The following EYS variants were observed in gnomAD, a reference collection of about 807,000 sequenced individuals.
EYS encodes protein eyes shut homolog.
EYS carries 250 observed loss-of-function variants against 282.1 expected under a neutral mutation model. The observed-to-expected ratio is 0.89, with a 90% CI of 0.80 to 0.98. The LOEUF is 0.98. Ranked by LOEUF, EYS falls within the 50% of genes least tolerant of loss-of-function variation. EYS has a pLI of 0.00. For synonymous variants in EYS, 1,355 were observed against 1,282.9 expected, an observed-to-expected ratio of 1.06 and a Z score of -1.20; for missense variants, 4,016 against 3,709.0, an observed-to-expected ratio of 1.08 and a Z score of -2.15.
intron 12 of EYS, among the ~76,000 whole-genome samples, chr6:65,081,269 G>C (rs1184470100): frequency 1.3e-5 from 2 of 151,888 alleles, no homozygotes; most frequent in African/African-American, 2.4e-5. Context: ...AAATCACTAT[G>C]ATTTCTACTT....
chr6:64,671,006 C>T (rs1024243202), intron 22 of EYS, among the ~76,000 whole-genome samples: 7 of 151,872 alleles, frequency 4.6e-5, no homozygotes, highest in African/African-American at 1.5e-4. Context: ...CATTCCCAGA[C>T]CTACTATTTC....
chr6:64,154,660 G>T (rs1027887902), intron 31 of EYS, among the ~76,000 whole-genome samples: 9 of 151,544 alleles, frequency 5.9e-5, no homozygotes, highest in African/African-American at 2.2e-4. Flanking sequence ...AATAGAAAAT[G>T]CAAAAAAGAA....
At chr6:63,914,726 A>G (rs1254677069) in intron 35 of EYS, among the ~76,000 whole-genome samples, 3 of 152,096 alleles carry the variant, frequency 2.0e-5, no homozygotes, top group African/African-American at 4.8e-5. Context: ...CAAAAAAAAA[A>G]AAAAAAAGCA....
At chr6:65,579,394 A>G (rs762372622) in intron 2 of EYS, among the ~76,000 whole-genome samples, 1 of 152,186 alleles carries the variant, frequency 6.6e-6, no homozygotes, top group South Asian at 2.1e-4. Flanking sequence ...TATTTACAAT[A>G]TATTTCTGGA....
Position 63,984,566 on chromosome 6 carries a change from G to A in EYS, c.6872C>T (p.Ala2291Val). Residue 2291 changes from alanine (A) to valine (V), a missense_variant, in exon 35 of 43, where the codon GCA becomes GTA. Transcript: ENST00000503581. ...FESMFLGHIP[A>V]NVQIHKKAGP... ...TGCTTTCTTATGAATTTGAACATTT[G>A]CAGGAATATGGCCAAGGAACATTGA... is the stretch of plus-strand genomic sequence containing the variant. 6.5e-7 allele frequency: 1 copy of A among 1,549,426 alleles called. No individual in the cohort carries two copies. The highest frequency in any genetic ancestry group is 8.7e-7 in the Non-Finnish European group (1 of 1,145,458).
intron 12 of EYS, among the ~76,000 whole-genome samples, chr6:65,237,831 A>G (rs1040495418): frequency 6.6e-6 from 1 of 152,174 alleles, no homozygotes; most frequent in African/African-American, 2.4e-5. Context: ...ATGTATGGGT[A>G]TGCAAGAAAT....
chr6:64,741,268 G>A (rs1488307943), intron 22 of EYS, among the ~76,000 whole-genome samples: 5 of 151,976 alleles, frequency 3.3e-5, no homozygotes, highest in Admixed American at 1.3e-4. Context: ...CAGGCCCCTC[G>A]TCAATAATAT....
chr6:65,332,432 G>T, intron 11 of EYS: 2 of 1,380,804 alleles, frequency 1.4e-6, no homozygotes, highest in Non-Finnish European at 2.0e-6. Context: ...GAATTAATTT[G>T]GGAAGAATTA....
intron 35 of EYS, among the ~76,000 whole-genome samples, chr6:63,966,164 C>T (rs898554960): frequency 3.3e-5 from 5 of 152,124 alleles, no homozygotes; most frequent in African/African-American, 1.2e-4. Context: ...TGTATGTACA[C>T]AATGGAATAC....
chr6:63,835,600 G>A (rs12111572), intron 36 of EYS, among the ~76,000 whole-genome samples: 5,859 of 151,996 alleles, frequency 0.039, 397 homozygotes, highest in African/African-American at 0.13. Context: ...GGAGGGAGGC[G>A]AGAGATTTGA....
intron 31 of EYS, among the ~76,000 whole-genome samples, chr6:64,193,088 T>C (rs1402700434): frequency 6.6e-6 from 1 of 152,194 alleles, no homozygotes; most frequent in African/African-American, 2.4e-5. Flanking sequence ...TATTTAAGTG[T>C]GTTTTGGTTT....
At chr6:64,568,965 C>G (rs1004037189) in intron 26 of EYS, among the ~76,000 whole-genome samples, 3 of 150,440 alleles carry the variant, frequency 2.0e-5, no homozygotes, top group African/African-American at 7.4e-5. Context: ...CACACAGAAA[C>G]CCCATCCAAA....
intron 8 of EYS, among the ~76,000 whole-genome samples, chr6:65,360,365 T>G (rs1764656725): frequency 6.6e-6 from 1 of 151,908 alleles, no homozygotes; most frequent in African/African-American, 2.4e-5. Flanking sequence ...GTAATTATAT[T>G]ATTTAAATAA....
Position 64,503,600 on chromosome 6 carries a change from A to G in EYS, c.5645-64248T>C, listed in dbSNP as rs558383737. On this transcript the variant is annotated intron_variant, in intron 26 of 42. Coordinates refer to ENST00000503581, the MANE Select transcript of EYS (RefSeq NM_001142800.2). ...TTCAGCTCCCTAACTCTTGTAATGCAGTGTCCAAACTGATAGTTTGGCTAC... is the reference window on the plus strand; with the variant it reads ...TTCAGCTCCCTAACTCTTGTAATGCGGTGTCCAAACTGATAGTTTGGCTAC... Among the ~76,000 whole-genome samples, 5 of 152,326 alleles carry G rather than the reference A, an allele frequency of 3.3e-5. No homozygotes were observed. The South Asian group carries it at 1.0e-3, about 32-fold the overall frequency.
intron 2 of EYS, among the ~76,000 whole-genome samples, chr6:65,617,266 G>A (rs1302260083): frequency 6.6e-5 from 10 of 152,088 alleles, no homozygotes; most frequent in Non-Finnish European, 1.3e-4. Flanking sequence ...AATATAACAA[G>A]AGCCTGTGAA....
chr6:64,169,305 G>A (rs1035316915), intron 31 of EYS, among the ~76,000 whole-genome samples: 1 of 152,156 alleles, frequency 6.6e-6, no homozygotes, highest in African/African-American at 2.4e-5. Flanking sequence ...GAAAAAAACA[G>A]GAGGTAGCAG....
intron 5 of EYS, among the ~76,000 whole-genome samples, chr6:65,464,509 C>G (rs1005537186): frequency 6.6e-6 from 1 of 152,088 alleles, no homozygotes; most frequent in Non-Finnish European, 1.5e-5. Flanking sequence ...GAATCTCTAC[C>G]AACATCAAAG....
intron 30 of EYS, among the ~76,000 whole-genome samples, chr6:64,295,232 C>T (rs1335095542): frequency 6.8e-6 from 1 of 145,994 alleles, no homozygotes; most frequent in Non-Finnish European, 1.5e-5. Flanking sequence ...AAAAATTAGC[C>T]GTTTTTTTAG....
chr6:64,771,568 T>A (rs1411008863), intron 22 of EYS, among the ~76,000 whole-genome samples: 1 of 151,786 alleles, frequency 6.6e-6, no homozygotes, highest in African/African-American at 2.4e-5. Flanking sequence ...TTTGCATAAG[T>A]TTTTAGTATG....
Sources: gnomAD v4.1 joint callset for allele counts (sites outside exome capture counted in the v4.1 genomes callset) on GRCh38, gnomAD v4.1.1 for gene constraint, MANE v1.5 for transcripts, NCBI Gene and HGNC (gene_info 2026-07-23, HGNC 2026-07-21) for gene names.